The following RTN1 variants were observed in gnomAD, a reference collection of about 807,000 sequenced individuals.
RTN1 encodes reticulon 1.
Under a neutral mutation model 65.5 loss-of-function variants are expected in RTN1, and 25 were observed. The ratio of observed to expected loss-of-function variants is 0.38; its 90% CI spans 0.28 to 0.53. RTN1 has a LOEUF of 0.53. Among genes scored for constraint, RTN1 ranks in the 20% least tolerant of loss-of-function variants. The probability of loss-of-function intolerance (pLI) is 0.79; values close to 1 mark genes in which losing one functional copy is unlikely to be tolerated. For missense variants in RTN1, 983 were observed against 1,025.4 expected (o/e 0.96, Z 0.57); for synonymous variants, 471 against 447.6 (o/e 1.05, Z -0.66).
chr14:59,867,789 A>G (rs757132091), intron 1 of RTN1, among the ~76,000 whole-genome samples: 3 of 152,194 alleles, frequency 2.0e-5, no homozygotes, highest in Non-Finnish European at 4.4e-5. Flanking sequence ...CTCAAAGTCT[A>G]AGTTACTTCT....
intron 1 of RTN1, among the ~76,000 whole-genome samples, chr14:59,798,282 T>C (rs181639904): frequency 1.1e-3 from 173 of 152,350 alleles, no homozygotes; most frequent in African/African-American, 3.8e-3. Context: ...CACCACTGAC[T>C]AATTGCATGA....
At chr14:59,724,050 C>T (rs998274860) in intron 3 of RTN1, among the ~76,000 whole-genome samples, 3 of 152,142 alleles carry the variant, frequency 2.0e-5, no homozygotes, top group African/African-American at 7.2e-5. Context: ...ACAGTTACGG[C>T]TAATCTTGTA....
chr14:59,732,790 A>T (rs11158268), intron 2 of RTN1, among the ~76,000 whole-genome samples: 61,191 of 152,092 alleles, frequency 0.4, 14,902 homozygotes, highest in Non-Finnish European at 0.53. Flanking sequence ...CCCCTAGGAA[A>T]AGGGCAGAAT....
At chr14:59,690,600 C>T (rs1270341124) in intron 3 of RTN1, among the ~76,000 whole-genome samples, 1 of 152,054 alleles carries the variant, frequency 6.6e-6, no homozygotes, top group African/African-American at 2.4e-5. Context: ...GCCTAATAGA[C>T]ATCTACAGAA....
chr14:59,685,866 C>G (rs573828126), intron 3 of RTN1, among the ~76,000 whole-genome samples: 1 of 152,082 alleles, frequency 6.6e-6, no homozygotes, highest in African/African-American at 2.4e-5. Flanking sequence ...TAAAGCAATC[C>G]TGAGCAAAAA....
chr14:59,726,817 C>T, intron 3 of RTN1, 102 bp downstream of exon 3: 2 of 962,398 alleles, frequency 2.1e-6, no homozygotes, highest in Non-Finnish European at 3.1e-6. Context: ...GTTTGATCAG[C>T]ATGGGGATGA....
chr14:59,723,474 C>G (rs192308459), intron 3 of RTN1, among the ~76,000 whole-genome samples: 1 of 151,198 alleles, frequency 6.6e-6, no homozygotes, highest in East Asian at 1.9e-4. Context: ...ATTAGCCGGG[C>G]GTGGTGGTGG....
At position 59,727,490 on chromosome 14, in the gene RTN1, G is replaced by A; in HGVS notation, c.1194C>T (p.Pro398=). 1.3e-6 allele frequency: 2 copies of A among 1,588,920 alleles called. No individual in the cohort carries two copies. Among genetic ancestry groups the A allele is most frequent in the Non-Finnish European group, 1.7e-6 (2 of 1,168,220 alleles). ...CCGCGCTGCTGGCCTCGTGGTCCAG[G>A]GGGCTGGGGATGGTTGGCGGTCCGG... is the stretch of plus-strand genomic sequence containing the variant. The part of the protein sequence containing the change: ...ARSGPPTIPS[P]LDHEASSAES... Residue 398 remains proline (P), a synonymous_variant, in exon 3 of 9, where the codon CCC becomes CCT. Transcript: ENST00000267484. The surrounding 1 kb of genome is among the most constrained non-coding windows in gnomAD (Gnocchi z 4.2).
chr14:59,861,255 C>T (rs1887704542), intron 1 of RTN1, among the ~76,000 whole-genome samples: 1 of 152,114 alleles, frequency 6.6e-6, no homozygotes, highest in Non-Finnish European at 1.5e-5. Flanking sequence ...GTGAATAAGT[C>T]TCACAAGATC....
At chr14:59,800,674 A>C (rs1886528342) in intron 1 of RTN1, among the ~76,000 whole-genome samples, 1 of 152,210 alleles carries the variant, frequency 6.6e-6, no homozygotes. Flanking sequence ...TGCTGGGATT[A>C]CAGGCGTGAG....
intron 3 of RTN1, among the ~76,000 whole-genome samples, chr14:59,622,846 G>A (rs189926763): frequency 6.6e-5 from 10 of 152,238 alleles, no homozygotes; most frequent in East Asian, 1.9e-4. Flanking sequence ...CTGCTGGCAC[G>A]GACTTCTGCT....
chr14:59,789,901 C>A (rs1886317074), intron 1 of RTN1, among the ~76,000 whole-genome samples: 2 of 151,666 alleles, frequency 1.3e-5, no homozygotes, highest in African/African-American at 4.8e-5. Flanking sequence ...AAGCAAGTTG[C>A]AAAATTGTGT....
intron 3 of RTN1, among the ~76,000 whole-genome samples, chr14:59,613,263 A>G (rs1882009117): frequency 6.6e-6 from 1 of 152,192 alleles, no homozygotes; most frequent in South Asian, 2.1e-4. Flanking sequence ...GTTAAAAGTC[A>G]GTTTAATTAA....
rs1255167349 is a variant in RTN1 at position 59,870,583 on chromosome 14, G to A, written c.48C>T (p.Gly16=). Residue 16 remains glycine (G), a synonymous_variant, in exon 1 of 9, where the codon GGC becomes GGT. Coordinates refer to ENST00000267484, the MANE Select transcript of RTN1 (RefSeq NM_021136.3). The surrounding 1 kb of genome is among the most constrained non-coding windows in gnomAD (Gnocchi z 5.1). ...DPQDELLPLA[G]PGSQWLRHRG... is the part of the protein sequence containing the mutation. Reference sequence around the variant, plus strand: ...GGTGCCTGAGCCACTGGGACCCGGGGCCGGCCAGCGGCAGCAGCTCGTCCT... The same window carrying A: ...GGTGCCTGAGCCACTGGGACCCGGGACCGGCCAGCGGCAGCAGCTCGTCCT... 7 of 1,448,492 alleles carry A rather than the reference G, an allele frequency of 4.8e-6. No homozygotes were observed. The Admixed American group carries it at 1.5e-4, about 32-fold the overall frequency. The allele number at this position is 1,448,492 out of a possible 1,614,324, so 89.7% of individuals were successfully genotyped here. A position where few individuals can be genotyped will look rare whatever the true frequency, so the allele number is the denominator to read the frequency against.
At chr14:59,629,153 C>T (rs1473307013) in intron 3 of RTN1, among the ~76,000 whole-genome samples, 1 of 152,206 alleles carries the variant, frequency 6.6e-6, no homozygotes, top group Non-Finnish European at 1.5e-5. Context: ...GCATACATTT[C>T]TTATTTACTG....
Position 59,836,608 on chromosome 14 carries a change from A to G in RTN1, c.241+33782T>C, listed in dbSNP as rs755429997. Reference sequence around the variant, plus strand: ...AAAATCATATGAACAAAATAGTGGCAGCAGGAAAGCAAAAATGCATTTTTG... The same window carrying G: ...AAAATCATATGAACAAAATAGTGGCGGCAGGAAAGCAAAAATGCATTTTTG... On this transcript the variant is annotated intron_variant, in intron 1 of 8. Coordinates refer to ENST00000267484, the MANE Select transcript of RTN1 (RefSeq NM_021136.3). This position sits in a 1 kb window ranked among gnomAD's most constrained non-coding sequence, Gnocchi z 4.9. Among the ~76,000 whole-genome samples, 2 of 152,216 alleles carry G rather than the reference A, an allele frequency of 1.3e-5. No homozygotes were observed. The highest frequency in any genetic ancestry group is 2.4e-5 in the African/African-American group (1 of 41,458).
At chr14:59,698,127 T>C (rs2139445156) in intron 3 of RTN1, among the ~76,000 whole-genome samples, 1 of 152,292 alleles carries the variant, frequency 6.6e-6, no homozygotes, top group East Asian at 1.9e-4. Flanking sequence ...ATAAATTTCT[T>C]ACTGTCAGAA....
chr14:59,608,476 T>C (rs1033928842), intron 3 of RTN1, among the ~76,000 whole-genome samples: 4 of 152,238 alleles, frequency 2.6e-5, no homozygotes, highest in South Asian at 4.1e-4. Flanking sequence ...GAAAGAACAA[T>C]ATTGAAAAAG....
intron 1 of RTN1, among the ~76,000 whole-genome samples, chr14:59,759,150 T>C (rs1270605862): frequency 6.6e-6 from 1 of 152,182 alleles, no homozygotes; most frequent in Non-Finnish European, 1.5e-5. Flanking sequence ...AGAAGAAGGA[T>C]TGGAAGAGTT....
Sources: gnomAD v4.1 joint callset for allele counts (sites outside exome capture counted in the v4.1 genomes callset) on GRCh38, gnomAD v4.1.1 for gene constraint, Gnocchi (gnomAD v3.1) non-coding constraint, MANE v1.5 for transcripts, NCBI Gene and HGNC (gene_info 2026-07-23, HGNC 2026-07-21) for gene names.